GRIN2A: variants seen among roughly 807,000 people sequenced by gnomAD.
GRIN2A encodes glutamate receptor ionotropic, NMDA 2A.
Under a neutral mutation model 113.4 loss-of-function variants are expected in GRIN2A, and 22 were observed. That is an observed-to-expected ratio of 0.19 (90% confidence interval 0.14 to 0.28). GRIN2A has a LOEUF of 0.28. Among genes scored for constraint, GRIN2A ranks in the 10% least tolerant of loss-of-function variants. The probability of loss-of-function intolerance (pLI) is 1.00; values close to 1 mark genes in which losing one functional copy is unlikely to be tolerated. For synonymous variants in GRIN2A, 827 were observed against 738.4 expected (o/e 1.12, Z -1.94); for missense variants, 1,502 against 1,887.0 (o/e 0.80, Z 3.78).
chr16:10,026,981 C>T (rs747413677), intron 2 of GRIN2A, among the ~76,000 whole-genome samples: 2 of 152,176 alleles, frequency 1.3e-5, no homozygotes, highest in African/African-American at 2.4e-5. Context: ...AAAACCCCAT[C>T]GCACCACCAC....
chr16:9,904,343 T>G (rs1463683045), intron 3 of GRIN2A, among the ~76,000 whole-genome samples: 1 of 152,150 alleles, frequency 6.6e-6, no homozygotes, highest in Non-Finnish European at 1.5e-5. Flanking sequence ...GAGATCTACT[T>G]CATGTCTCCT....
At chr16:10,027,656 G>A (rs952079009) in intron 2 of GRIN2A, 3 of 152,612 alleles carry the variant, frequency 2.0e-5, no homozygotes, top group Non-Finnish European at 2.9e-5. Context: ...AGGAGTCCTC[G>A]CTGGTGAGTG....
chr16:9,813,691 C>G (rs546750869), intron 10 of GRIN2A, among the ~76,000 whole-genome samples: 2 of 149,142 alleles, frequency 1.3e-5, no homozygotes, highest in East Asian at 3.9e-4. Flanking sequence ...AAGAACCCCA[C>G]CCCCCCGCAA....
chr16:10,134,986 T>G (rs565440784), intron 2 of GRIN2A, among the ~76,000 whole-genome samples: 77 of 152,324 alleles, frequency 5.1e-4, no homozygotes, highest in African/African-American at 1.8e-3. Context: ...GCTTTCCTGA[T>G]AGTAAATCTC....
intron 2 of GRIN2A, among the ~76,000 whole-genome samples, chr16:10,157,430 T>C (rs1001843138): frequency 9.9e-5 from 15 of 152,196 alleles, no homozygotes; most frequent in African/African-American, 3.6e-4. Context: ...GACAATAATA[T>C]ACTGTATTAG....
chr16:9,959,531 G>A (rs978782000), intron 2 of GRIN2A, among the ~76,000 whole-genome samples: 3 of 152,218 alleles, frequency 2.0e-5, no homozygotes, highest in African/African-American at 7.2e-5. Flanking sequence ...AGCTACCGAT[G>A]TGCAACGTAT....
chr16:10,180,468 A>C lies in GRIN2A; in HGVS notation c.-18-39T>G. ...AGTGAGAGGCAGGGCCGCGGTGAGC[A>C]AGGCGACCAGAAGAAAGGGATTACC... is the stretch of plus-strand genomic sequence containing the variant. On this transcript the variant is annotated intron_variant, in intron 1 of 12. Transcript: ENST00000330684. The surrounding 1 kb of genome is among the most constrained non-coding windows in gnomAD (Gnocchi z 7.0). 1.9e-6 allele frequency: 3 copies of C among 1,569,260 alleles called. No individual in the cohort carries two copies. The highest frequency in any genetic ancestry group is 2.6e-6 in the Non-Finnish European group (3 of 1,163,774).
intron 3 of GRIN2A, among the ~76,000 whole-genome samples, chr16:9,924,636 C>T (rs1438163529): frequency 6.6e-6 from 1 of 152,108 alleles, no homozygotes; most frequent in Non-Finnish European, 1.5e-5. Flanking sequence ...TTCCAAAATT[C>T]TTCCTGCCCC....
At chr16:9,789,587 C>CAA (rs892943426) in intron 11 of GRIN2A, among the ~76,000 whole-genome samples, 23 of 128,122 alleles carry the variant, frequency 1.8e-4, no homozygotes, top group African/African-American at 7.2e-4. Context: ...CACACACACA[C>CAA]ACAAACACAT....
At chr16:10,041,196 G>C (rs1443689640) in intron 2 of GRIN2A, among the ~76,000 whole-genome samples, 1 of 152,118 alleles carries the variant, frequency 6.6e-6, no homozygotes, top group Non-Finnish European at 1.5e-5. Context: ...TCCCATTTTC[G>C]TAAGCTCATT....
chr16:9,823,115 C>T (rs998176293), intron 9 of GRIN2A, among the ~76,000 whole-genome samples: 1 of 152,200 alleles, frequency 6.6e-6, no homozygotes, highest in Non-Finnish European at 1.5e-5. Flanking sequence ...TCAAGCCCCC[C>T]ATAAAGGCCT....
intron 2 of GRIN2A, among the ~76,000 whole-genome samples, chr16:9,947,990 C>T (rs1050670987): frequency 7.9e-5 from 12 of 152,138 alleles, no homozygotes; most frequent in African/African-American, 2.9e-4. Flanking sequence ...AGCACTAATG[C>T]AAATACAAAC....
intron 2 of GRIN2A, among the ~76,000 whole-genome samples, chr16:10,094,336 TC>T (rs1244143913): frequency 6.6e-6 from 1 of 152,242 alleles, no homozygotes; most frequent in Non-Finnish European, 1.5e-5. Flanking sequence ...TTTGAGCTGG[TC>T]ATTCCCTATC....
At chr16:9,839,426 A>T (rs1038206185) in intron 7 of GRIN2A, among the ~76,000 whole-genome samples, 1 of 136,628 alleles carries the variant, frequency 7.3e-6, no homozygotes, top group African/African-American at 3.7e-5. Context: ...CAAAACGGTT[A>T]AAAAAATCAC....
At position 9,791,974 on chromosome 16, in the gene GRIN2A, G is replaced by A. The variant is rs117850410; in HGVS notation, c.2356+6303C>T. On this transcript the variant is annotated intron_variant, in intron 11 of 12. Coordinates refer to ENST00000330684, the MANE Select transcript of GRIN2A (RefSeq NM_001134407.3). Reference sequence around the variant, plus strand: ...GTTTCCTTATTAACATGAGAGCAGGGTTTGTGGTCCTCTCCAATCTGTTAA... The same window carrying A: ...GTTTCCTTATTAACATGAGAGCAGGATTTGTGGTCCTCTCCAATCTGTTAA... 8.6e-5 allele frequency among the ~76,000 whole-genome samples: 13 copies of A among 152,036 alleles called. 1 individual carries two copies. Among genetic ancestry groups the A allele is most frequent in the Non-Finnish European group, 1.3e-4 (9 of 68,008 alleles).
chr16:10,131,400 G>T (rs2049060013), intron 2 of GRIN2A, among the ~76,000 whole-genome samples: 1 of 151,808 alleles, frequency 6.6e-6, no homozygotes, highest in African/African-American at 2.4e-5. Context: ...TCATCGGGAA[G>T]TTGGAAGCTA....
chr16:10,078,167 GACA>G (rs2047912012), intron 2 of GRIN2A, among the ~76,000 whole-genome samples: 3 of 152,162 alleles, frequency 2.0e-5, no homozygotes, highest in Admixed American at 6.5e-5. Flanking sequence ...TAATAATAAT[GACA>G]ACAACAATAA....
intron 4 of GRIN2A, among the ~76,000 whole-genome samples, chr16:9,877,238 G>T (rs1596529531): frequency 6.6e-6 from 1 of 152,138 alleles, no homozygotes; most frequent in Non-Finnish European, 1.5e-5. Context: ...AGTACAGAAG[G>T]CCATACTGTA....
At chr16:9,799,791 A>G (rs1350461721) in intron 10 of GRIN2A, among the ~76,000 whole-genome samples, 1 of 152,112 alleles carries the variant, frequency 6.6e-6, no homozygotes, top group Non-Finnish European at 1.5e-5. Context: ...ACTTATTTTT[A>G]TTGAGGTATA....
Sources: allele counts gnomAD v4.1 joint callset (sites outside exome capture counted in the v4.1 genomes callset), GRCh38; gene constraint gnomAD v4.1.1; non-coding constraint Gnocchi (gnomAD v3.1); transcripts MANE v1.5; gene names NCBI Gene and HGNC (gene_info 2026-07-23, HGNC 2026-07-21).